Variants in UBL3 observed in about 807,000 individuals in gnomAD.
UBL3 encodes ubiquitin like 3, also known as ubiquitin-like protein 3.
A neutral mutation model predicts 18.4 loss-of-function variants in UBL3; 6 were observed. The observed-to-expected ratio is 0.33, with a 90% CI of 0.18 to 0.64. The LOEUF is 0.64. Among genes scored for constraint, UBL3 ranks in the 30% least tolerant of loss-of-function variants. The pLI is 0.76. For synonymous variants in UBL3, 49 were observed against 46.6 expected, an observed-to-expected ratio of 1.05 and a Z score of -0.21; for missense variants, 109 against 142.9, an observed-to-expected ratio of 0.76 and a Z score of 1.21.
At chr13:29,818,692 G>A (rs1275481351) in intron 1 of UBL3, among the ~76,000 whole-genome samples, 2 of 152,096 alleles carry the variant, frequency 1.3e-5, no homozygotes, top group African/African-American at 4.8e-5. Context: ...ATAACAGCTT[G>A]TATATTTTGA....
intron 3 of UBL3, among the ~76,000 whole-genome samples, chr13:29,769,980 C>T (rs983548338): frequency 4.6e-5 from 7 of 152,072 alleles, no homozygotes; most frequent in African/African-American, 1.7e-4. Context: ...CTAACTTTCC[C>T]TGGCAGTCTA....
At chr13:29,822,141 T>G (rs1450919201) in intron 1 of UBL3, among the ~76,000 whole-genome samples, 2 of 152,222 alleles carry the variant, frequency 1.3e-5, no homozygotes, top group African/African-American at 2.4e-5. Flanking sequence ...AAATGTGATT[T>G]CTGAAAAGAT....
intron 1 of UBL3, among the ~76,000 whole-genome samples, chr13:29,791,277 C>T (rs1335516966): frequency 2.0e-5 from 3 of 152,158 alleles, no homozygotes; most frequent in African/African-American, 7.2e-5. Context: ...CAAAAACATT[C>T]TTAAAAGTTT....
chr13:29,806,484 A>G (rs1318019218), intron 1 of UBL3, among the ~76,000 whole-genome samples: 1 of 152,146 alleles, frequency 6.6e-6, no homozygotes, highest in African/African-American at 2.4e-5. Context: ...AGGATCTTAA[A>G]CCATCTCTAG....
chr13:29,794,722 G>A (rs768263345), intron 1 of UBL3, among the ~76,000 whole-genome samples: 16 of 152,258 alleles, frequency 1.1e-4, no homozygotes, highest in Admixed American at 3.3e-4. Context: ...CCCTTTCTCC[G>A]ATGTATCTTG....
At chr13:29,846,641 T>C (rs1482084531) in intron 1 of UBL3, among the ~76,000 whole-genome samples, 1 of 152,162 alleles carries the variant, frequency 6.6e-6, no homozygotes, top group African/African-American at 2.4e-5. Context: ...TTAGCAATTA[T>C]TGTAGCTCGA....
chr13:29,840,565 C>T (rs1016071191), intron 1 of UBL3, among the ~76,000 whole-genome samples: 1 of 2,326 alleles, frequency 4.3e-4, no homozygotes, highest in Non-Finnish European at 2.0e-3. Context: ...CAAAAAAAAA[C>T]TCAATGAAGT....
chr13:29,830,885 T>C (rs1013327829), intron 1 of UBL3, among the ~76,000 whole-genome samples: 3 of 152,190 alleles, frequency 2.0e-5, no homozygotes, highest in African/African-American at 7.2e-5. Flanking sequence ...TTGACCACAT[T>C]GAAATACTTG....
chr13:29,782,946 G>C lies in UBL3; in HGVS notation c.28-5683C>G, dbSNP rs1421047319. On this transcript the variant is annotated intron_variant, in intron 1 of 4. Coordinates refer to ENST00000380680, the MANE Select transcript of UBL3 (RefSeq NM_007106.4). ...CATCCAGTGCCTGGATCAGTGTTTG[G>C]CACATAGTAGTAGGTGCTCAGCCAG... Among the ~76,000 whole-genome samples the C allele has an allele frequency of 3.3e-5, 5 of 152,190 alleles. No homozygotes were observed. The East Asian group carries it at 9.6e-4, about 29-fold the overall frequency.
intron 1 of UBL3, among the ~76,000 whole-genome samples, chr13:29,842,571 G>A (rs1012581615): frequency 5.3e-5 from 8 of 152,110 alleles, no homozygotes; most frequent in Non-Finnish European, 1.0e-4. Context: ...GTCTTCACCT[G>A]GTGGGTATTA....
chr13:29,824,609 T>C (rs1439809596), intron 1 of UBL3, among the ~76,000 whole-genome samples: 1 of 152,132 alleles, frequency 6.6e-6, no homozygotes, highest in African/African-American at 2.4e-5. Flanking sequence ...GATATTAGCC[T>C]TTTATCAGAT....
At chr13:29,799,670 A>G (rs1877709943) in intron 1 of UBL3, among the ~76,000 whole-genome samples, 2 of 152,152 alleles carry the variant, frequency 1.3e-5, no homozygotes, top group African/African-American at 4.8e-5. Context: ...AAGGGAAAAA[A>G]AGAGTCAAAT....
intron 1 of UBL3, among the ~76,000 whole-genome samples, chr13:29,803,225 C>T (rs987394020): frequency 1.3e-5 from 2 of 152,050 alleles, no homozygotes; most frequent in African/African-American, 4.8e-5. Context: ...GAATTTGTCA[C>T]CACCAGACCT....
chr13:29,846,676 A>T (rs1879234998), intron 1 of UBL3, among the ~76,000 whole-genome samples: 1 of 152,198 alleles, frequency 6.6e-6, no homozygotes, highest in Admixed American at 6.5e-5. Context: ...TATTGGAAAC[A>T]TGATAGGGGT....
intron 1 of UBL3, among the ~76,000 whole-genome samples, chr13:29,800,359 T>C (rs1008792459): frequency 1.2e-4 from 18 of 152,164 alleles, no homozygotes; most frequent in Admixed American, 1.2e-3. Flanking sequence ...TGATGGCCAA[T>C]GAGTAGGCAG....
chr13:29,772,285 C>A, intron 2 of UBL3, 87 bp from the exon 3 acceptor site: 1 of 1,139,214 alleles, frequency 8.8e-7, no homozygotes, highest in Non-Finnish European at 1.2e-6. Context: ...AGATCCAAAT[C>A]AGTTAGAGTA....
At chr13:29,770,809 T>G (rs2139306421) in intron 3 of UBL3, among the ~76,000 whole-genome samples, 1 of 132,060 alleles carries the variant, frequency 7.6e-6, no homozygotes, top group East Asian at 2.1e-4. Flanking sequence ...GTCCATCTAT[T>G]TATACAAAAG....
chr13:29,788,875 G>GCA (rs1877405196), intron 1 of UBL3, among the ~76,000 whole-genome samples: 1 of 28,370 alleles, frequency 3.5e-5, no homozygotes, highest in Admixed American at 3.3e-4. Flanking sequence ...GTGTGTGCGC[G>GCA]CGCGCGCGCA....
chr13:29,790,389 G>A (rs533247763), intron 1 of UBL3, among the ~76,000 whole-genome samples: 3 of 152,192 alleles, frequency 2.0e-5, no homozygotes, highest in South Asian at 4.2e-4. Flanking sequence ...CTACTGAACT[G>A]TGCTCCTAAA....
Sources: gnomAD v4.1 joint callset for allele counts (sites outside exome capture counted in the v4.1 genomes callset) on GRCh38, gnomAD v4.1.1 for gene constraint, MANE v1.5 for transcripts, NCBI Gene and HGNC (gene_info 2026-07-23, HGNC 2026-07-21) for gene names.